The following PI4KA variants were observed in gnomAD, a reference collection of about 807,000 sequenced individuals.
PI4KA encodes PI4-kinase alpha.
Under a neutral mutation model 271.4 loss-of-function variants are expected in PI4KA, and 122 were observed. That is an observed-to-expected ratio of 0.45 (90% CI 0.39 to 0.52). The LOEUF (loss-of-function observed/expected upper bound fraction) is 0.52. Ranked by LOEUF, PI4KA falls within the 20% of genes least tolerant of loss-of-function variation. The pLI, the probability that PI4KA is intolerant of heterozygous loss-of-function variation, is 0.00. For missense variants in PI4KA, 1,969 were observed against 2,769.1 expected (o/e 0.71, Z 6.48); for synonymous variants, 1,041 against 1,078.8 (o/e 0.96, Z 0.69).
rs5751852 is a variant in PI4KA at position 20,751,767 on chromosome 22, G to A, written c.2988-12C>T. The A allele has an allele frequency of 0.072, 116,225 of 1,611,338 alleles. 4,273 individuals are homozygous for A. Among genetic ancestry groups the A allele is most frequent in the Non-Finnish European group, 0.075 (88,821 of 1,177,588 alleles). On this transcript the variant is annotated splice_polypyrimidine_tract_variant and intron_variant, in intron 25 of 54. Coordinates refer to ENST00000255882, the MANE Select transcript of PI4KA (RefSeq NM_058004.4). ...GCAAGTGGGGAAACCTGCACCAAGA[G>A]CCAGCTCTCAGGACCAAGAGCCAAA...
chr22:20,830,560 T>TA (rs1197163056), intron 3 of PI4KA, among the ~76,000 whole-genome samples: 1 of 152,326 alleles, frequency 6.6e-6, no homozygotes, highest in East Asian at 1.9e-4. Flanking sequence ...ATTGGTCTCT[T>TA]AAAGACAGCA....
intron 19 of PI4KA, among the ~76,000 whole-genome samples, chr22:20,769,618 A>G (rs1024545210): frequency 2.2e-4 from 34 of 151,940 alleles, no homozygotes; most frequent in Non-Finnish European, 2.6e-4. Flanking sequence ...GCAGTGAGCC[A>G]AGATTGCGCC....
chr22:20,752,897 G>A lies in PI4KA; in HGVS notation c.2987+6C>T, dbSNP rs1350329309. ...ACACAAAACATTAGCAGGAAAATGA[G>A]CTTACTTATCCACCAGACCAGATAG... On this transcript the variant is annotated splice_donor_region_variant and intron_variant, in intron 25 of 54. Coordinates refer to ENST00000255882, the MANE Select transcript of PI4KA (RefSeq NM_058004.4). 6.2e-7 allele frequency: 1 copy of A among 1,613,574 alleles called. No individual in the cohort carries two copies. The highest frequency in any genetic ancestry group is 1.3e-5 in the African/African-American group (1 of 74,902).
chr22:20,786,201 A>T, intron 19 of PI4KA: 1 of 1,603,974 alleles, frequency 6.2e-7, no homozygotes, highest in Non-Finnish European at 8.5e-7. Context: ...GCCTCAGCAC[A>T]GCCCCACCTC....
intron 28 of PI4KA, among the ~76,000 whole-genome samples, chr22:20,748,706 G>A (rs746158819): frequency 7.9e-5 from 12 of 152,232 alleles, no homozygotes; most frequent in Non-Finnish European, 1.8e-4. Context: ...ATGGTTTTGG[G>A]GGACTCCTGG....
intron 4 of PI4KA, among the ~76,000 whole-genome samples, 168 bp downstream of exon 4, chr22:20,824,158 G>C (rs1923075704): frequency 6.7e-6 from 1 of 150,348 alleles, no homozygotes; most frequent in South Asian, 2.1e-4. Flanking sequence ...AGATCCTAAA[G>C]AGTAGTGAAA....
chr22:20,828,560 T>G lies in PI4KA; in HGVS notation c.368-4146A>C, dbSNP rs375508269. On this transcript the variant is annotated intron_variant, in intron 3 of 54. Coordinates refer to ENST00000255882, the MANE Select transcript of PI4KA (RefSeq NM_058004.4). The stretch of plus-strand genomic sequence containing the variant: ...GCCTAGAGTTTGTTGTGGATTTTTT[T>G]GGGGTTTTTTTTTGAGACAGAGTCT... 3.0e-3 allele frequency among the ~76,000 whole-genome samples: 457 copies of G among 151,900 alleles called. 5 individuals are homozygous for G. The highest frequency in any genetic ancestry group is 6.8e-3 in the Middle Eastern group (2 of 294).
intron 1 of PI4KA, among the ~76,000 whole-genome samples, chr22:20,841,123 G>A (rs1378023201): frequency 3.9e-5 from 6 of 152,074 alleles, no homozygotes; most frequent in South Asian, 2.1e-4. Context: ...CAGGTGATAC[G>A]CCCACCTCGG....
chr22:20,809,226 C>A (rs1935855803), intron 9 of PI4KA, among the ~76,000 whole-genome samples: 1 of 152,190 alleles, frequency 6.6e-6, no homozygotes, highest in African/African-American at 2.4e-5. Context: ...CACAGCCCAG[C>A]TCCATCACTC....
intron 9 of PI4KA, among the ~76,000 whole-genome samples, chr22:20,810,469 A>G (rs920262180): frequency 8.6e-5 from 13 of 151,572 alleles, no homozygotes; most frequent in African/African-American, 3.2e-4. Flanking sequence ...AGATTGCGCC[A>G]CTGCACTCCA....
At chr22:20,835,870 A>T (rs2147767500) in intron 2 of PI4KA, among the ~76,000 whole-genome samples, 1 of 152,118 alleles carries the variant, frequency 6.6e-6, no homozygotes, top group South Asian at 2.1e-4. Flanking sequence ...AATATGGTGA[A>T]ACCCCTTCTC....
At chr22:20,726,720 A>C (rs933228147) in intron 41 of PI4KA, among the ~76,000 whole-genome samples, 179 bp from the exon 42 acceptor site, 3 of 152,266 alleles carry the variant, frequency 2.0e-5, no homozygotes, top group African/African-American at 7.2e-5. Flanking sequence ...GAAACAGGTA[A>C]AAGGAGCAAG....
chr22:20,804,826 C>T, intron 11 of PI4KA, 148 bp downstream of exon 11: 1 of 679,898 alleles, frequency 1.5e-6, no homozygotes, highest in Non-Finnish European at 2.6e-6. Flanking sequence ...GCTAATGCTC[C>T]ACTCTGCACG....
At chr22:20,844,503 T>C (rs1196197464) in intron 1 of PI4KA, among the ~76,000 whole-genome samples, 1 of 152,184 alleles carries the variant, frequency 6.6e-6, no homozygotes, top group African/African-American at 2.4e-5. Flanking sequence ...CTCATGAGCG[T>C]TACAATCCAG....
In PI4KA at chr22:20,830,079, T is replaced by C. The variant is rs150306853; in HGVS notation, c.367+4483A>G. Among the ~76,000 whole-genome samples the C allele has an allele frequency of 3.7e-4, 57 of 152,340 alleles. 1 individual carries two copies. In the East Asian group the frequency reaches 0.011, roughly 29 times the overall value. On this transcript the variant is annotated intron_variant, in intron 3 of 54. Coordinates refer to ENST00000255882, the MANE Select transcript of PI4KA (RefSeq NM_058004.4). Reference sequence around the variant, plus strand: ...ATAGTGTGGTTGATTTTAGAGTATGTTGCATGTGCAGATGAGAAGAATGTA... The same window carrying C: ...ATAGTGTGGTTGATTTTAGAGTATGCTGCATGTGCAGATGAGAAGAATGTA...
At chr22:20,737,144 C>T (rs1188261036) in intron 32 of PI4KA, among the ~76,000 whole-genome samples, 1 of 152,172 alleles carries the variant, frequency 6.6e-6, no homozygotes, top group Non-Finnish European at 1.5e-5. Context: ...AGCAGTGGAG[C>T]TGGCCAGAGT....
intron 1 of PI4KA, among the ~76,000 whole-genome samples, chr22:20,857,968 T>C (rs1927813879): frequency 6.6e-6 from 1 of 152,224 alleles, no homozygotes; most frequent in Non-Finnish European, 1.5e-5. Context: ...TCCCTGCCAC[T>C]GTCCCTTCTG....
chr22:20,762,688 T>C (rs1231274204), intron 22 of PI4KA, among the ~76,000 whole-genome samples: 5 of 152,154 alleles, frequency 3.3e-5, no homozygotes, highest in Admixed American at 3.3e-4. Flanking sequence ...TTTGCTCTGT[T>C]TGGGTCTGGC....
chr22:20,817,197 C>T (rs1921915477), intron 7 of PI4KA, among the ~76,000 whole-genome samples: 1 of 152,220 alleles, frequency 6.6e-6, no homozygotes, highest in South Asian at 2.1e-4. Context: ...TCAAAATTCC[C>T]CTCACATCTC....
Sources: allele counts gnomAD v4.1 joint callset (sites outside exome capture counted in the v4.1 genomes callset), GRCh38; gene constraint gnomAD v4.1.1; transcripts MANE v1.5; gene names NCBI Gene and HGNC (gene_info 2026-07-23, HGNC 2026-07-21).